PTK2B: variants seen among roughly 807,000 people sequenced by gnomAD.
PTK2B encodes the protein protein-tyrosine kinase 2-beta.
A neutral mutation model predicts 142.9 loss-of-function variants in PTK2B; 71 were observed. The observed-to-expected ratio is 0.50, with a 90% CI of 0.41 to 0.61. The LOEUF is 0.61. Ranked by LOEUF, PTK2B falls within the 20% of genes least tolerant of loss-of-function variation. The probability of loss-of-function intolerance (pLI) is 0.00; values close to 1 mark genes in which losing one functional copy is unlikely to be tolerated. For synonymous variants in PTK2B, 519 were observed against 503.4 expected, an observed-to-expected ratio of 1.03 and a Z score of -0.42; for missense variants, 1,105 against 1,320.4, an observed-to-expected ratio of 0.84 and a Z score of 2.53.
chr8:27,326,170 C>A (rs1803402750), intron 1 of PTK2B, among the ~76,000 whole-genome samples: 1 of 152,082 alleles, frequency 6.6e-6, no homozygotes, highest in Non-Finnish European at 1.5e-5. Context: ...TCTTCTGAAT[C>A]AAGCCCTGGC....
At chr8:27,395,124 G>C (rs1390792295) in intron 1 of PTK2B, among the ~76,000 whole-genome samples, 2 of 152,070 alleles carry the variant, frequency 1.3e-5, no homozygotes, top group Non-Finnish European at 2.9e-5. Context: ...AATTATAGTA[G>C]AGGAAGTACA....
chr8:27,386,261 A>T (rs1807346429), intron 1 of PTK2B, among the ~76,000 whole-genome samples: 1 of 152,200 alleles, frequency 6.6e-6, no homozygotes, highest in Non-Finnish European at 1.5e-5. Flanking sequence ...TAGTACAGCT[A>T]GGAACATCTT....
At chr8:27,358,866 T>C in intron 1 of PTK2B, among the ~76,000 whole-genome samples, 1 of 152,194 alleles carries the variant, frequency 6.6e-6, no homozygotes, top group East Asian at 1.9e-4. Flanking sequence ...AATAGGTTTC[T>C]ATTATTTTAA....
At chr8:27,427,113 T>G (rs1810131144) in intron 5 of PTK2B, among the ~76,000 whole-genome samples, 1 of 152,158 alleles carries the variant, frequency 6.6e-6, no homozygotes, top group South Asian at 2.1e-4. Context: ...AGTCTTCTCA[T>G]TTCCCTTTTC....
intron 2 of PTK2B, among the ~76,000 whole-genome samples, chr8:27,403,563 G>C (rs961041904): frequency 6.6e-6 from 1 of 152,144 alleles, no homozygotes; most frequent in African/African-American, 2.4e-5. Context: ...CTTTTTGTTT[G>C]ATATTCATAG....
chr8:27,367,430 C>T (rs1250289085), intron 1 of PTK2B, among the ~76,000 whole-genome samples: 2 of 152,190 alleles, frequency 1.3e-5, no homozygotes, highest in Non-Finnish European at 2.9e-5. Flanking sequence ...GGCTTGCCCA[C>T]CTGTCCATGT....
chr8:27,401,936 A>T (rs1434350704), intron 2 of PTK2B, among the ~76,000 whole-genome samples: 1 of 152,116 alleles, frequency 6.6e-6, no homozygotes, highest in East Asian at 1.9e-4. Context: ...GGTAGTGATG[A>T]TGATGGCAGT....
intron 5 of PTK2B, among the ~76,000 whole-genome samples, chr8:27,422,709 A>T (rs555786894): frequency 6.6e-6 from 1 of 152,330 alleles, no homozygotes; most frequent in African/African-American, 2.4e-5. Context: ...CTTGAGCACC[A>T]GACTAGAATC....
intron 5 of PTK2B, among the ~76,000 whole-genome samples, chr8:27,427,168 C>A (rs1458982311): frequency 1.3e-5 from 2 of 152,152 alleles, no homozygotes; most frequent in Non-Finnish European, 2.9e-5. Context: ...AGAAAACATA[C>A]TGAGCCCGTG....
chr8:27,429,615 A>T (rs111286225), intron 5 of PTK2B, among the ~76,000 whole-genome samples: 3,809 of 152,292 alleles, frequency 0.025, 170 homozygotes, highest in African/African-American at 0.087. Context: ...TGTAAGTCCT[A>T]AAGTTTGTAT....
chr8:27,403,831 TC>T (rs1334011043), intron 2 of PTK2B, among the ~76,000 whole-genome samples: 1 of 152,046 alleles, frequency 6.6e-6, no homozygotes, highest in Non-Finnish European at 1.5e-5. Flanking sequence ...CTTTCTTTTT[TC>T]TTCTTTCTTC....
intron 1 of PTK2B, among the ~76,000 whole-genome samples, chr8:27,367,202 A>G (rs369334924): frequency 6.6e-6 from 1 of 152,150 alleles, no homozygotes; most frequent in East Asian, 1.9e-4. Context: ...ACATGAATGG[A>G]CTCATTTGGA....
intron 1 of PTK2B, among the ~76,000 whole-genome samples, chr8:27,382,648 C>T (rs146150144): frequency 1.4e-4 from 21 of 152,142 alleles, no homozygotes; most frequent in East Asian, 1.2e-3. Context: ...ACCAATGTCC[C>T]GAAGGATTTA....
chr8:27,446,022 C>A, intron 24 of PTK2B, 103 bp downstream of exon 24: 1 of 1,496,172 alleles, frequency 6.7e-7, no homozygotes, highest in Non-Finnish European at 9.1e-7. Flanking sequence ...CAGGAGGGCC[C>A]TTCCTGTTCC....
intron 2 of PTK2B, among the ~76,000 whole-genome samples, chr8:27,413,707 A>G (rs755738259): frequency 6.6e-6 from 1 of 152,130 alleles, no homozygotes; most frequent in East Asian, 1.9e-4. Context: ...TTTTTTGTGC[A>G]TTTGTTTAGT....
At chr8:27,422,178 G>C in intron 4 of PTK2B, 126 bp from the exon 5 acceptor site, 1 of 851,578 alleles carries the variant, frequency 1.2e-6, no homozygotes. Flanking sequence ...CTCCATGCTT[G>C]TTTGTGGTGG....
intron 1 of PTK2B, among the ~76,000 whole-genome samples, chr8:27,345,312 T>G (rs919908722): frequency 6.6e-6 from 1 of 152,266 alleles, no homozygotes; most frequent in Non-Finnish European, 1.5e-5. Context: ...CTAACTGCAA[T>G]GATTTAGTGA....
intron 1 of PTK2B, among the ~76,000 whole-genome samples, chr8:27,361,678 T>C (rs1415655225): frequency 1.3e-5 from 2 of 152,144 alleles, no homozygotes; most frequent in Non-Finnish European, 2.9e-5. Flanking sequence ...CTAAGGGAGC[T>C]GGAGGGCCCT....
chr8:27,355,279 A>G (rs1805331705), intron 1 of PTK2B, among the ~76,000 whole-genome samples: 1 of 152,202 alleles, frequency 6.6e-6, no homozygotes, highest in African/African-American at 2.4e-5. Context: ...GGTCAGAGTA[A>G]GAGAAGGCAG....
Sources: gnomAD v4.1 joint callset for allele counts (sites outside exome capture counted in the v4.1 genomes callset) on GRCh38, gnomAD v4.1.1 for gene constraint, MANE v1.5 for transcripts, NCBI Gene and HGNC (gene_info 2026-07-23, HGNC 2026-07-21) for gene names.